ZFAT: variants seen among roughly 807,000 people sequenced by gnomAD.
ZFAT encodes the protein zinc finger protein ZFAT.
Under a neutral mutation model 117.7 loss-of-function variants are expected in ZFAT, and 64 were observed. That is an observed-to-expected ratio of 0.54 (90% CI 0.44 to 0.67). The LOEUF is 0.67. Among genes scored for constraint, ZFAT ranks in the 30% least tolerant of loss-of-function variants. ZFAT has a pLI of 0.00. For missense variants in ZFAT, 1,433 were observed against 1,584.5 expected (o/e 0.90, Z 1.62); for synonymous variants, 679 against 615.0 (o/e 1.10, Z -1.54).
intron 3 of ZFAT, among the ~76,000 whole-genome samples, chr8:134,617,437 C>T (rs1828824995): frequency 6.6e-6 from 1 of 152,144 alleles, no homozygotes; most frequent in Non-Finnish European, 1.5e-5. Context: ...AACATAATGT[C>T]CCAGCTAGTA....
chr8:134,816,380 T>C, the ZFAT span, among the ~76,000 whole-genome samples: 1 of 151,892 alleles, frequency 6.6e-6, no homozygotes, highest in African/African-American at 2.4e-5. Context: ...TAAGGACTGT[T>C]ACAATCCTGT....
the ZFAT span, among the ~76,000 whole-genome samples, chr8:134,760,985 G>T: frequency 6.6e-6 from 1 of 152,186 alleles, no homozygotes; most frequent in Non-Finnish European, 1.5e-5. Context: ...TAGTATGGAT[G>T]AGCAGACACC....
In ZFAT at chr8:134,570,106, G is replaced by A. The variant is rs576129845; in HGVS notation, c.2888-4685C>T. Among the ~76,000 whole-genome samples, 4 of 152,150 alleles carry A rather than the reference G, an allele frequency of 2.6e-5. No individual in the cohort carries two copies. In the South Asian group the frequency reaches 6.2e-4, roughly 24 times the overall value. On this transcript the variant is annotated intron_variant, in intron 10 of 15. Transcript: ENST00000377838. ...TCTCCACTCCATAGACACAGTCCAC[G>A]CACCTACCTCCGGGCCTCTGCACCT...
intron 15 of ZFAT, among the ~76,000 whole-genome samples, chr8:134,506,881 T>C (rs1323591102): frequency 6.6e-6 from 1 of 152,252 alleles, no homozygotes; most frequent in Non-Finnish European, 1.5e-5. Context: ...TCTGAAACAT[T>C]GTTCTGCGAT....
intron 1 of ZFAT, among the ~76,000 whole-genome samples, chr8:134,711,258 T>C (rs756376483): frequency 1.3e-5 from 2 of 152,232 alleles, no homozygotes; most frequent in African/African-American, 2.4e-5. Flanking sequence ...CGTGAGCTAC[T>C]GCGCCCGGCT....
At chr8:134,640,893 T>A (rs1299912148) in intron 2 of ZFAT, among the ~76,000 whole-genome samples, 1 of 152,232 alleles carries the variant, frequency 6.6e-6, no homozygotes, top group Non-Finnish European at 1.5e-5. Context: ...GAAAATCATG[T>A]AACCTCTAAA....
chr8:134,712,718 CGCGGCCG>C (rs753541906), intron 1 of ZFAT, 120 bp downstream of exon 1: 35,287 of 824,560 alleles, frequency 0.043, 1,217 homozygotes, highest in Middle Eastern at 0.089. Flanking sequence ...CGGATCCCTC[CGCGGCCG>C]GCGGCCGGCG....
At chr8:134,628,838 A>C (rs1829695890) in intron 3 of ZFAT, among the ~76,000 whole-genome samples, 1 of 152,234 alleles carries the variant, frequency 6.6e-6, no homozygotes, top group Non-Finnish European at 1.5e-5. Context: ...GCTTTTATGA[A>C]GAGGAAATGA....
chr8:134,582,612 A>G (rs1349849406), intron 10 of ZFAT, among the ~76,000 whole-genome samples: 1 of 151,976 alleles, frequency 6.6e-6, no homozygotes, highest in Non-Finnish European at 1.5e-5. Flanking sequence ...TTTTTTAGAG[A>G]GAGTACTGCT....
At chr8:134,531,406 G>T (rs571221835) in intron 12 of ZFAT, among the ~76,000 whole-genome samples, 6 of 152,270 alleles carry the variant, frequency 3.9e-5, no homozygotes, top group African/African-American at 1.4e-4. Context: ...TGGGGCATTG[G>T]CGTGGGTCAT....
intron 3 of ZFAT, among the ~76,000 whole-genome samples, chr8:134,631,924 G>A (rs1829916974): frequency 6.6e-6 from 1 of 152,068 alleles, no homozygotes; most frequent in South Asian, 2.1e-4. Flanking sequence ...ATTTTTTAAG[G>A]GGTTTTTGAG....
At chr8:134,490,101 C>G (rs1296398500) in intron 15 of ZFAT, among the ~76,000 whole-genome samples, 1 of 152,212 alleles carries the variant, frequency 6.6e-6, no homozygotes, top group Admixed American at 6.5e-5. Context: ...TAGGTGTGAC[C>G]ACAAGAGCCC....
intron 3 of ZFAT, among the ~76,000 whole-genome samples, chr8:134,625,496 TGGTCCTGCCCTGCTC>T (rs1223301024): frequency 1.3e-5 from 2 of 152,220 alleles, no homozygotes; most frequent in Admixed American, 6.5e-5. Context: ...CTCCAGCAAG[TGGTCCTGCCCTGCTC>T]CCTCTGCAGG....
chr8:134,640,057 T>C (rs1367718668), intron 2 of ZFAT, among the ~76,000 whole-genome samples: 1 of 152,218 alleles, frequency 6.6e-6, no homozygotes, highest in Non-Finnish European at 1.5e-5. Flanking sequence ...CAGGACTCCA[T>C]GGGTGGACCA....
chr8:134,712,179 C>A (rs997382543), intron 1 of ZFAT, among the ~76,000 whole-genome samples: 1 of 152,164 alleles, frequency 6.6e-6, no homozygotes, highest in African/African-American at 2.4e-5. Flanking sequence ...ATTTTTAAAG[C>A]CCCAGCTCTG....
chr8:134,807,001 T>C, the ZFAT span, among the ~76,000 whole-genome samples: 121 of 152,324 alleles, frequency 7.9e-4, 2 homozygotes, highest in African/African-American at 2.6e-3. Context: ...GCGGGTCAAT[T>C]TTCTATCAGC....
At chr8:134,521,672 T>C (rs116338752) in intron 12 of ZFAT, among the ~76,000 whole-genome samples, 2,966 of 151,944 alleles carry the variant, frequency 0.02, 110 homozygotes, top group African/African-American at 0.068. Context: ...CAAAAGAATA[T>C]CTTTCTACAA....
chr8:134,748,480 TATGA>T, the ZFAT span, among the ~76,000 whole-genome samples: 1 of 152,240 alleles, frequency 6.6e-6, no homozygotes, highest in Non-Finnish European at 1.5e-5. Flanking sequence ...TAATCTATGG[TATGA>T]ATATACCATA....
chr8:134,821,116 T>C, the ZFAT span, among the ~76,000 whole-genome samples: 1 of 152,214 alleles, frequency 6.6e-6, no homozygotes, highest in African/African-American at 2.4e-5. Flanking sequence ...GAAAACACCA[T>C]GAAAACTGTG....
Sources: gnomAD v4.1 joint callset for allele counts (sites outside exome capture counted in the v4.1 genomes callset) on GRCh38, gnomAD v4.1.1 for gene constraint, MANE v1.5 for transcripts, NCBI Gene and HGNC (gene_info 2026-07-23, HGNC 2026-07-21) for gene names.